EYA4: variants seen among roughly 807,000 people sequenced by gnomAD.
EYA4 encodes the protein protein phosphatase EYA4.
EYA4 carries 31 observed loss-of-function variants against 87.9 expected under a neutral mutation model. The ratio of observed to expected loss-of-function variants is 0.35; its 90% CI spans 0.27 to 0.48. EYA4 has a LOEUF of 0.48. Ranked by LOEUF, EYA4 falls within the 20% of genes least tolerant of loss-of-function variation. EYA4 has a pLI of 0.99. For synonymous variants in EYA4, 263 were observed against 270.6 expected (o/e 0.97, Z 0.28); for missense variants, 678 against 761.4 (o/e 0.89, Z 1.29).
At chr6:133,505,415 A>G (rs574110076) in intron 13 of EYA4, among the ~76,000 whole-genome samples, 1 of 152,266 alleles carries the variant, frequency 6.6e-6, no homozygotes, top group African/African-American at 2.4e-5. Flanking sequence ...TTCCCAAAGC[A>G]TATATTTTTT....
At chr6:133,286,315 C>CTCTTAGGCATATG (rs1268788052) in intron 2 of EYA4, among the ~76,000 whole-genome samples, 1 of 152,090 alleles carries the variant, frequency 6.6e-6, no homozygotes, top group African/African-American at 2.4e-5. Context: ...TCAGATGTAA[C>CTCTTAGGCATATG]CATTGGGAAC....
At chr6:133,340,368 A>G (rs1782691819) in intron 2 of EYA4, among the ~76,000 whole-genome samples, 1 of 152,208 alleles carries the variant, frequency 6.6e-6, no homozygotes. Flanking sequence ...TTTCACATCT[A>G]CATAAAGTAG....
intron 2 of EYA4, among the ~76,000 whole-genome samples, chr6:133,310,493 G>A (rs1780134079): frequency 6.6e-6 from 1 of 152,072 alleles, no homozygotes; most frequent in Non-Finnish European, 1.5e-5. Context: ...TTCTAGCTTT[G>A]GTGAGTGAAT....
intron 2 of EYA4, among the ~76,000 whole-genome samples, chr6:133,283,276 A>C (rs1010510409): frequency 1.3e-5 from 2 of 152,100 alleles, no homozygotes; most frequent in African/African-American, 4.8e-5. Context: ...CCTGAGCGAC[A>C]GAGCAAGATT....
At chr6:133,381,323 G>A (rs1786199490) in intron 2 of EYA4, among the ~76,000 whole-genome samples, 1 of 152,036 alleles carries the variant, frequency 6.6e-6, no homozygotes, top group South Asian at 2.1e-4. Context: ...TGAAAATGTA[G>A]GGTTTTTGTG....
At chr6:133,392,848 G>A (rs1361120258) in intron 3 of EYA4, among the ~76,000 whole-genome samples, 4 of 152,084 alleles carry the variant, frequency 2.6e-5, no homozygotes, top group Admixed American at 6.6e-5. Flanking sequence ...TGTGTTCCTG[G>A]TCAGCCTCTC....
chr6:133,288,113 G>A (rs549745158), intron 2 of EYA4, among the ~76,000 whole-genome samples: 3 of 151,698 alleles, frequency 2.0e-5, no homozygotes, highest in Non-Finnish European at 4.4e-5. Flanking sequence ...CAGCCTGGGC[G>A]ACAGAGTGAG....
intron 2 of EYA4, among the ~76,000 whole-genome samples, chr6:133,300,532 T>C (rs1009909327): frequency 2.0e-5 from 3 of 152,078 alleles, no homozygotes; most frequent in African/African-American, 7.2e-5. Flanking sequence ...TTATTATTAT[T>C]AGAGATGGAG....
At chr6:133,428,416 G>A (rs1790867215) in intron 3 of EYA4, among the ~76,000 whole-genome samples, 1 of 152,130 alleles carries the variant, frequency 6.6e-6, no homozygotes, top group Non-Finnish European at 1.5e-5. Context: ...TAGACGTGAC[G>A]TCAAGAAACC....
At chr6:133,375,873 C>T (rs1394909021) in intron 2 of EYA4, among the ~76,000 whole-genome samples, 1 of 151,832 alleles carries the variant, frequency 6.6e-6, no homozygotes, top group Non-Finnish European at 1.5e-5. Flanking sequence ...CCAAAGGTAA[C>T]TAAAGTTAGA....
At chr6:133,525,093 A>T in intron 18 of EYA4, 61 bp from the exon 19 acceptor site, 4 of 1,613,660 alleles carry the variant, frequency 2.5e-6, no homozygotes, top group Non-Finnish European at 3.4e-6. Flanking sequence ...GATGGCCGAG[A>T]TGAGGAGCAT....
intron 2 of EYA4, among the ~76,000 whole-genome samples, chr6:133,301,504 T>C (rs1779403261): frequency 6.6e-6 from 1 of 152,222 alleles, no homozygotes; most frequent in Non-Finnish European, 1.5e-5. Context: ...TGAATGAAAA[T>C]AGCTGCACAT....
chr6:133,454,521 G>A (rs921990513), intron 5 of EYA4, among the ~76,000 whole-genome samples: 4 of 152,238 alleles, frequency 2.6e-5, no homozygotes, highest in Middle Eastern at 3.4e-3. Context: ...GACTGGGGAC[G>A]TTATTTAACC....
chr6:133,481,083 G>A (rs1041379518), intron 11 of EYA4, among the ~76,000 whole-genome samples: 2 of 151,750 alleles, frequency 1.3e-5, no homozygotes, highest in African/African-American at 4.8e-5. Context: ...TAGGAGGTGG[G>A]GCTGGGAGTC....
rs997200665 is a variant in EYA4 at position 133,506,103 on chromosome 6, C to T, written c.1192-3C>T. On this transcript the variant is annotated splice_region_variant and splice_polypyrimidine_tract_variant and intron_variant, in intron 13 of 19. Coordinates refer to ENST00000355286, the MANE Select transcript of EYA4 (RefSeq NM_004100.5). ...CCTCATTATGTGTACATTTTCTTTA[C>T]AGGATCCCCCCATGGCTGTAACCCT... The T allele has an allele frequency of 2.5e-6, 4 of 1,583,866 alleles. No individual in the cohort carries two copies. In the Admixed American group the frequency reaches 6.7e-5, roughly 26 times the overall value.
At chr6:133,444,484 G>T (rs964412309) in intron 3 of EYA4, among the ~76,000 whole-genome samples, 1 of 152,136 alleles carries the variant, frequency 6.6e-6, no homozygotes, top group Non-Finnish European at 1.5e-5. Context: ...GGGTTGTGCT[G>T]TCAGTATTAG....
chr6:133,358,604 T>A (rs1202701182), intron 2 of EYA4, among the ~76,000 whole-genome samples: 1 of 152,216 alleles, frequency 6.6e-6, no homozygotes, highest in Non-Finnish European at 1.5e-5. Flanking sequence ...TTATTTTACA[T>A]GTATCTGCTT....
intron 3 of EYA4, among the ~76,000 whole-genome samples, chr6:133,400,235 C>A (rs900708934): frequency 2.0e-5 from 3 of 152,036 alleles, no homozygotes; most frequent in Non-Finnish European, 4.4e-5. Context: ...TGCGGTGGGG[C>A]GTGGTGGCTC....
At chr6:133,467,214 G>T (rs1431217352) in intron 10 of EYA4, among the ~76,000 whole-genome samples, 1 of 152,252 alleles carries the variant, frequency 6.6e-6, no homozygotes, top group African/African-American at 2.4e-5. Flanking sequence ...GCAGGAATTA[G>T]TAGGCTAACA....
Sources: allele counts gnomAD v4.1 joint callset (sites outside exome capture counted in the v4.1 genomes callset), GRCh38; gene constraint gnomAD v4.1.1; transcripts MANE v1.5; gene names NCBI Gene and HGNC (gene_info 2026-07-23, HGNC 2026-07-21).